Variants in MBD5 observed in about 807,000 individuals in gnomAD.
The protein encoded by MBD5 is methyl-CpG binding domain protein 5.
In MBD5, 13 loss-of-function variants were observed where a neutral mutation model predicts 117.3. That is an observed-to-expected ratio of 0.11 (90% CI 0.07 to 0.18). The LOEUF is 0.18. Among genes scored for constraint, MBD5 ranks in the 10% least tolerant of loss-of-function variants. The probability of loss-of-function intolerance (pLI) is 1.00; values close to 1 mark genes in which losing one functional copy is unlikely to be tolerated. For synonymous variants in MBD5, 727 were observed against 766.4 expected (o/e 0.95, Z 0.85); for missense variants, 1,879 against 2,093.8 (o/e 0.90, Z 2.00).
At chr2:148,402,345 G>A (rs1440229879) in intron 4 of MBD5, among the ~76,000 whole-genome samples, 1 of 151,980 alleles carries the variant, frequency 6.6e-6, no homozygotes, top group East Asian at 1.9e-4. Context: ...CTTCAATAAA[G>A]AAGAGCTGTT....
chr2:148,369,320 T>C (rs1239943059), intron 4 of MBD5, among the ~76,000 whole-genome samples: 1 of 151,854 alleles, frequency 6.6e-6, no homozygotes, highest in Non-Finnish European at 1.5e-5. Flanking sequence ...ATCTATAAAA[T>C]CCCACAAAGG....
intron 8 of MBD5, among the ~76,000 whole-genome samples, chr2:148,476,483 G>A (rs760302632): frequency 8.5e-5 from 13 of 152,068 alleles, no homozygotes; most frequent in Admixed American, 2.0e-4. Flanking sequence ...ATGACTCACT[G>A]AAATGATTTT....
chr2:148,047,909 A>G (rs1475853737), intron 1 of MBD5, among the ~76,000 whole-genome samples: 2 of 152,204 alleles, frequency 1.3e-5, no homozygotes, highest in Non-Finnish European at 2.9e-5. Flanking sequence ...TAGAGAAACC[A>G]TTGTTTGTGA....
intron 4 of MBD5, among the ~76,000 whole-genome samples, chr2:148,360,733 GA>G (rs1420851796): frequency 2.6e-5 from 4 of 152,020 alleles, no homozygotes; most frequent in Non-Finnish European, 4.4e-5. Flanking sequence ...CCACATGCTG[GA>G]ATTACAGGGT....
chr2:148,470,326 A>G lies in MBD5; in HGVS notation c.2383A>G (p.Met795Val). 6.2e-7 allele frequency: 1 copy of G among 1,613,948 alleles called. No homozygotes were observed. Among genetic ancestry groups the G allele is most frequent in the Non-Finnish European group, 8.5e-7 (1 of 1,179,906 alleles). The change falls in exon 8 of 14, where the codon ATG (methionine) becomes GTG (valine). Residue 795 changes from methionine to valine, a missense_variant. Around this residue, in one of 4 missense-constraint regions of MBD5, gnomAD observed 1,666 missense variants for 1,792.2 expected, o/e 0.93. Coordinates refer to ENST00000642680, the MANE Select transcript of MBD5 (RefSeq NM_001378120.1). ...NQIQASGNCG[M>V]LSQSGMALGN... ...GATTCAGGCTAGCGGGAACTGTGGG[A>G]TGCTCAGTCAGTCGGGCATGGCTTT...
At chr2:148,043,151 C>G (rs1208763327) in intron 1 of MBD5, among the ~76,000 whole-genome samples, 3 of 151,880 alleles carry the variant, frequency 2.0e-5, no homozygotes, top group African/African-American at 7.3e-5. Flanking sequence ...CTAGGCCTGG[C>G]ACTGTGGCTC....
chr2:148,454,090 A>T, intron 4 of MBD5, among the ~76,000 whole-genome samples: 1 of 152,168 alleles, frequency 6.6e-6, no homozygotes, highest in East Asian at 1.9e-4. Context: ...TAAAGAAATT[A>T]TATATACATT....
intron 3 of MBD5, among the ~76,000 whole-genome samples, chr2:148,289,955 T>G (rs1701459981): frequency 3.5e-4 from 1 of 2,858 alleles, no homozygotes; most frequent in Non-Finnish European, 4.6e-3. Flanking sequence ...ATGTATTACC[T>G]TTTTTTTTTT....
chr2:148,292,196 A>G (rs1701515468), intron 3 of MBD5, among the ~76,000 whole-genome samples: 2 of 152,234 alleles, frequency 1.3e-5, no homozygotes, highest in South Asian at 4.1e-4. Flanking sequence ...ACAGGCAGCC[A>G]AAGCAAAAAT....
At chr2:148,503,156 A>C (rs1681922699) in intron 12 of MBD5, 1 of 154,340 alleles carries the variant, frequency 6.5e-6, no homozygotes, top group Non-Finnish European at 1.4e-5. Flanking sequence ...TTTCATATTA[A>C]GGTAGAAAAC....
At chr2:148,172,751 C>T (rs1376752529) in intron 1 of MBD5, among the ~76,000 whole-genome samples, 2 of 152,196 alleles carry the variant, frequency 1.3e-5, no homozygotes. Context: ...TCACCATGTA[C>T]TTCCTCCCTT....
At position 148,323,921 on chromosome 2, in the gene MBD5, C is replaced by T. The variant is rs183325465; in HGVS notation, c.-679-18293C>T. Reference sequence around the variant, plus strand: ...TTTAGACAGGAAGTCCTTGCCCATGCCTATGTCTTGAATGGTAATGCCTAG... The same window carrying T: ...TTTAGACAGGAAGTCCTTGCCCATGTCTATGTCTTGAATGGTAATGCCTAG... On this transcript the variant is annotated intron_variant, in intron 3 of 13. Coordinates refer to ENST00000642680, the MANE Select transcript of MBD5 (RefSeq NM_001378120.1). Among the ~76,000 whole-genome samples, 221 of 152,266 alleles carry T rather than the reference C, an allele frequency of 1.5e-3. 1 individual carries two copies. The highest frequency in any genetic ancestry group is 5.1e-3 in the African/African-American group (212 of 41,552).
intron 4 of MBD5, among the ~76,000 whole-genome samples, chr2:148,451,025 C>A (rs1706711799): frequency 6.6e-6 from 1 of 152,164 alleles, no homozygotes; most frequent in Non-Finnish European, 1.5e-5. Context: ...TCATTATGAT[C>A]CCTCATTCTC....
intron 4 of MBD5, among the ~76,000 whole-genome samples, chr2:148,385,194 A>C (rs1223208081): frequency 1.3e-5 from 2 of 152,230 alleles, no homozygotes. Context: ...GAATGGGAGA[A>C]AATTTTGGCA....
intron 4 of MBD5, among the ~76,000 whole-genome samples, chr2:148,452,594 GAAA>G (rs5835191): frequency 6.6e-6 from 1 of 151,378 alleles, no homozygotes; most frequent in African/African-American, 2.4e-5. Context: ...AGCAAAATGA[GAAA>G]AAAAAAAGGT....
At chr2:148,504,249 T>C (rs1249350163) in intron 12 of MBD5, among the ~76,000 whole-genome samples, 2 of 152,194 alleles carry the variant, frequency 1.3e-5, no homozygotes, top group Non-Finnish European at 2.9e-5. Context: ...CTAACATTTA[T>C]AAAAAGAACT....
At chr2:148,042,878 G>A (rs1694404018) in intron 1 of MBD5, among the ~76,000 whole-genome samples, 1 of 152,046 alleles carries the variant, frequency 6.6e-6, no homozygotes. Context: ...TTTTTACCTG[G>A]GATTTAGGGC....
chr2:148,137,942 C>T (rs1697211608), intron 1 of MBD5, among the ~76,000 whole-genome samples: 2 of 152,120 alleles, frequency 1.3e-5, no homozygotes, highest in Non-Finnish European at 2.9e-5. Context: ...TTTGTAAATA[C>T]ACTCTGTGAT....
At chr2:148,135,631 A>G (rs1697152627) in intron 1 of MBD5, among the ~76,000 whole-genome samples, 1 of 152,020 alleles carries the variant, frequency 6.6e-6, no homozygotes, top group Non-Finnish European at 1.5e-5. Context: ...ATACATTATT[A>G]TTTCCCTTTG....
Sources: allele counts gnomAD v4.1 joint callset (sites outside exome capture counted in the v4.1 genomes callset), GRCh38; gene constraint gnomAD v4.1.1; regional missense constraint gnomAD v4.1.1; transcripts MANE v1.5; gene names NCBI Gene and HGNC (gene_info 2026-07-23, HGNC 2026-07-21).